Variants in MICU3 observed in about 807,000 individuals in gnomAD.
The protein encoded by MICU3 is mitochondrial calcium uptake 3, also known as calcium uptake protein 3, mitochondrial.
In MICU3, 62 loss-of-function variants were observed where a neutral mutation model predicts 66.5. That is an observed-to-expected ratio of 0.93 (90% CI 0.76 to 1.15). The LOEUF (loss-of-function observed/expected upper bound fraction) is 1.15. MICU3 is among the 50% of genes most tolerant of loss of function. The pLI is 0.00. For synonymous variants in MICU3, 308 were observed against 240.7 expected, an observed-to-expected ratio of 1.28 and a Z score of -2.59; for missense variants, 779 against 664.4, an observed-to-expected ratio of 1.17 and a Z score of -1.90.
rs1015337248 is a variant in MICU3 at position 17,121,715 on chromosome 8, G to T, written c.*1428G>T. 1.3e-5 allele frequency: 2 copies of T among 152,138 alleles called. No individual in the cohort carries two copies. The highest frequency in any genetic ancestry group is 2.4e-5 in the African/African-American group (1 of 41,402). 9.4% of individuals were successfully genotyped at this position (152,138 alleles called of 1,614,324 possible). ...TTTATAAAAGTAATGTTATTTCCAA[G>T]AAAATGTTACTCTTAGCATTGATTT... is the stretch of plus-strand genomic sequence containing the variant. On this transcript the variant is annotated 3_prime_UTR_variant, in exon 15 of 15. Coordinates refer to ENST00000318063, the MANE Select transcript of MICU3 (RefSeq NM_181723.3).
At chr8:17,127,210 C>G (rs1034704342), downstream of MICU3, among the ~76,000 whole-genome samples, 4 of 152,120 alleles carry the variant, frequency 2.6e-5, no homozygotes, top group Non-Finnish European at 5.9e-5. Context: ...CCCTGAAAAT[C>G]TATACTTTTT....
intron 11 of MICU3, among the ~76,000 whole-genome samples, chr8:17,105,818 C>T (rs1298879292): frequency 6.6e-6 from 1 of 151,988 alleles, no homozygotes; most frequent in East Asian, 1.9e-4. Flanking sequence ...AGGCTACTAC[C>T]AATTGTTTTA....
chr8:17,071,332 A>T (rs554669592), intron 3 of MICU3, among the ~76,000 whole-genome samples: 1 of 152,124 alleles, frequency 6.6e-6, no homozygotes, highest in South Asian at 2.1e-4. Context: ...GTTTCTTCTG[A>T]GGCCTCTCCC....
chr8:17,063,584 C>T (rs941044061), intron 1 of MICU3, among the ~76,000 whole-genome samples: 1 of 152,266 alleles, frequency 6.6e-6, no homozygotes, highest in African/African-American at 2.4e-5. Context: ...AGCAATTTCA[C>T]TTCTAATCTA....
chr8:17,105,456 C>T lies in MICU3; in HGVS notation c.1129C>T (p.Leu377Phe). 1 of 1,570,122 alleles carries T rather than the reference C, an allele frequency of 6.4e-7. No homozygotes were observed. The highest frequency in any genetic ancestry group is 8.7e-7 in the Non-Finnish European group (1 of 1,155,064). Residue 377 changes from leucine (L) to phenylalanine (F), a missense_variant, in exon 11 of 15, where the codon CTT becomes TTT. Physicochemically the swap from Leu to Phe is conservative, Grantham distance 22 (BLOSUM62 0). Transcript: ENST00000318063. ...LQTEVLEIEF[L>F]SYSNGMNTIS... is the part of the protein sequence containing the mutation. ...AACAGAAGTTCTAGAAATAGAATTC[C>T]TTTCCTACTCAAATGGAATGAATAC...
At chr8:17,056,156 A>C (rs1021705626) in intron 1 of MICU3, among the ~76,000 whole-genome samples, 1 of 152,192 alleles carries the variant, frequency 6.6e-6, no homozygotes, top group African/African-American at 2.4e-5. Flanking sequence ...TTAGAAGGTC[A>C]CTTAAAGGAT....
At chr8:17,055,369 A>C (rs1369941744) in intron 1 of MICU3, among the ~76,000 whole-genome samples, 1 of 152,274 alleles carries the variant, frequency 6.6e-6, no homozygotes, top group African/African-American at 2.4e-5. Context: ...AACTTACTCT[A>C]ATGTTTTTCT....
At chr8:17,123,554 A>T (rs185658152), downstream of MICU3, among the ~76,000 whole-genome samples, 590 of 152,180 alleles carry the variant, frequency 3.9e-3, 7 homozygotes, top group African/African-American at 0.011. Flanking sequence ...AATGTATAGT[A>T]TTGAGCATGG....
At chr8:17,096,548 T>G (rs184817496) in intron 8 of MICU3, among the ~76,000 whole-genome samples, 12 of 151,988 alleles carry the variant, frequency 7.9e-5, no homozygotes, top group Admixed American at 7.9e-4. Context: ...CCTGCAGCAG[T>G]AGTTGCTGTA....
chr8:17,081,464 T>A (rs562629183), intron 4 of MICU3, among the ~76,000 whole-genome samples: 10 of 152,250 alleles, frequency 6.6e-5, no homozygotes, highest in African/African-American at 2.4e-4. Flanking sequence ...TTTGCTTTTT[T>A]TGCCAATATA....
Position 17,116,592 on chromosome 8 carries a change from G to C in MICU3, c.1516G>C (p.Gly506Arg), listed in dbSNP as rs998374987. The C allele has an allele frequency of 6.4e-7, 1 of 1,558,210 alleles. No homozygotes were observed. The highest frequency in any genetic ancestry group is 8.6e-7 in the Non-Finnish European group (1 of 1,160,622). ...IGIMKDRLHR[G>R]FRGYKTVQKY... ...AATTATGAAAGACAGACTCCATAGA[G>C]GATTCCGGGTAAACCTACACATTTT... is the stretch of plus-strand genomic sequence containing the variant. The change falls in exon 13 of 15, where the codon GGA (glycine) becomes CGA (arginine). Residue 506 changes from glycine (G) to arginine (R), a missense_variant. Coordinates refer to ENST00000318063, the MANE Select transcript of MICU3 (RefSeq NM_181723.3).
At chr8:17,135,629 T>G in the MICU3 span, among the ~76,000 whole-genome samples, 3 of 152,122 alleles carry the variant, frequency 2.0e-5, no homozygotes, top group Non-Finnish European at 4.4e-5. Flanking sequence ...TTCTGTATTA[T>G]TGCATTGATC....
Position 17,085,328 on chromosome 8 carries a change from C to T in MICU3, c.777+10C>T, listed in dbSNP as rs2285264. The T allele has an allele frequency of 0.52, 792,067 of 1,533,428 alleles. 212,548 individuals carry two copies. The highest frequency in any genetic ancestry group is 0.84 in the African/African-American group (61,462 of 73,156). 95.0% of individuals were successfully genotyped at this position (1,533,428 alleles called of 1,614,324 possible). ...AAAAGAGTTTTTGGTGGTATGTATA[C>T]TAGATGCTGCACTTTATCAATAATT... On this transcript the variant is annotated intron_variant, in intron 6 of 14. Coordinates refer to ENST00000318063, the MANE Select transcript of MICU3 (RefSeq NM_181723.3).
At chr8:17,047,555 CTG>C (rs1200484938) in intron 1 of MICU3, among the ~76,000 whole-genome samples, 1 of 152,152 alleles carries the variant, frequency 6.6e-6, no homozygotes, top group Non-Finnish European at 1.5e-5. Flanking sequence ...TGAAGTGAAA[CTG>C]TAAAATCAAA....
the MICU3 span, among the ~76,000 whole-genome samples, chr8:17,133,816 C>A: frequency 6.6e-6 from 1 of 152,110 alleles, no homozygotes; most frequent in Non-Finnish European, 1.5e-5. Context: ...AAGATTTTTA[C>A]ATACCTAAAT....
rs145294215 is a variant in MICU3 at position 17,082,870 on chromosome 8, G to C, written c.694+1130G>C. ...CTGTTACAGTAAGTTTTGAGAACAA[G>C]GAATGTGTACATGCACTCACATATG... On this transcript the variant is annotated intron_variant, in intron 5 of 14. Transcript: ENST00000318063. 1.2e-3 allele frequency among the ~76,000 whole-genome samples: 183 copies of C among 152,248 alleles called. No individual in the cohort carries two copies. In the Middle Eastern group the frequency reaches 0.034, roughly 28 times the overall value.
At chr8:17,028,116 A>C (rs1811344706) in intron 1 of MICU3, among the ~76,000 whole-genome samples, 1 of 152,176 alleles carries the variant, frequency 6.6e-6, no homozygotes, top group Admixed American at 6.5e-5. Context: ...AGCATATGAG[A>C]ATTTATTAGT....
chr8:17,056,104 G>C (rs990348369), intron 1 of MICU3, among the ~76,000 whole-genome samples: 1 of 152,054 alleles, frequency 6.6e-6, no homozygotes. Context: ...CTGTGATTTA[G>C]CCCCAGTCTT....
chr8:17,108,501 T>A (rs766896227), intron 11 of MICU3, among the ~76,000 whole-genome samples: 10 of 152,140 alleles, frequency 6.6e-5, no homozygotes, highest in African/African-American at 9.7e-5. Context: ...CCTGTTTCAG[T>A]TCATAGGACT....
Sources: gnomAD v4.1 joint callset for allele counts (sites outside exome capture counted in the v4.1 genomes callset) on GRCh38, gnomAD v4.1.1 for gene constraint, MANE v1.5 for transcripts, NCBI Gene and HGNC (gene_info 2026-07-23, HGNC 2026-07-21) for gene names.